The following STAM2 variants were observed in gnomAD, a reference collection of about 807,000 sequenced individuals.
STAM2 encodes the protein signal transducing adapter molecule 2.
In STAM2, 51 loss-of-function variants were observed where a neutral mutation model predicts 65.6. The ratio of observed to expected loss-of-function variants is 0.78; its 90% CI spans 0.62 to 0.98. STAM2 has a LOEUF of 0.98. Ranked by LOEUF, STAM2 falls within the 50% of genes least tolerant of loss-of-function variation. The pLI is 0.00. For synonymous variants in STAM2, 198 were observed against 208.4 expected (o/e 0.95, Z 0.43); for missense variants, 584 against 617.8 (o/e 0.95, Z 0.58).
chr2:152,146,944 C>T (rs1471192968), intron 5 of STAM2, among the ~76,000 whole-genome samples: 2 of 152,140 alleles, frequency 1.3e-5, no homozygotes, highest in East Asian at 1.9e-4. Flanking sequence ...ACATTAAATA[C>T]ACTATGTCTG....
chr2:152,144,149 A>G, intron 6 of STAM2, 136 bp from the exon 7 acceptor site: 5 of 383,986 alleles, frequency 1.3e-5, no homozygotes, highest in Admixed American at 3.8e-5. Context: ...AACTTTCGGG[A>G]GGGTGGGGCA....
intron 3 of STAM2, 43 bp downstream of exon 3, chr2:152,148,182 A>T: frequency 6.3e-7 from 1 of 1,593,780 alleles, no homozygotes; most frequent in Non-Finnish European, 8.6e-7. Flanking sequence ...AATTAAAAAC[A>T]CATTTAAAAT....
chr2:152,149,407 A>G (rs1308711561), intron 2 of STAM2, among the ~76,000 whole-genome samples: 2 of 152,124 alleles, frequency 1.3e-5, no homozygotes, highest in African/African-American at 4.8e-5. Context: ...CTTTAACTAC[A>G]TGAAAGTTAA....
chr2:152,175,553 G>A (rs762882115), intron 1 of STAM2, 50 bp downstream of exon 1: 3 of 1,610,022 alleles, frequency 1.9e-6, no homozygotes, highest in South Asian at 1.1e-5. Flanking sequence ...CGGACAAACA[G>A]CAGTCCAGGG....
In STAM2 at chr2:152,144,882, A is replaced by G; in HGVS notation, c.517+6T>C. The G allele has an allele frequency of 6.2e-7, 1 of 1,612,800 alleles. No homozygotes were observed. Among genetic ancestry groups the G allele is most frequent in the Non-Finnish European group, 8.5e-7 (1 of 1,178,860 alleles). ...AACACTAAATTACATGTGCTTGATC[A>G]TTTACCTTTAGCTATGTCTTCATCC... On this transcript the variant is annotated splice_donor_region_variant and intron_variant, in intron 6 of 13. Coordinates refer to ENST00000263904, the MANE Select transcript of STAM2 (RefSeq NM_005843.6).
intron 11 of STAM2, among the ~76,000 whole-genome samples, chr2:152,131,063 C>G (rs989160820): frequency 2.7e-5 from 4 of 149,530 alleles, no homozygotes; most frequent in Admixed American, 6.6e-5. Context: ...GCAATAGAAA[C>G]AAATACAAGG....
intron 5 of STAM2, among the ~76,000 whole-genome samples, chr2:152,145,488 CA>C (rs1205526831): frequency 6.6e-6 from 1 of 152,166 alleles, no homozygotes; most frequent in Non-Finnish European, 1.5e-5. Flanking sequence ...TTAGATTTTG[CA>C]TAAATGTAAC....
intron 11 of STAM2, among the ~76,000 whole-genome samples, chr2:152,130,439 G>A (rs1402354525): frequency 6.6e-6 from 1 of 151,916 alleles, no homozygotes; most frequent in Non-Finnish European, 1.5e-5. Flanking sequence ...TTTTAGTAGA[G>A]ACGGGGTTTC....
At chr2:152,125,608 C>T (rs1688950210) in intron 12 of STAM2, among the ~76,000 whole-genome samples, 1 of 152,092 alleles carries the variant, frequency 6.6e-6, no homozygotes, top group Admixed American at 6.6e-5. Context: ...AAAAAGATGG[C>T]TTATGGATGT....
chr2:152,120,290 T>A lies in STAM2; in HGVS notation c.*284A>T. 1 of 402,698 alleles carries A rather than the reference T, an allele frequency of 2.5e-6. No individual in the cohort carries two copies. Among genetic ancestry groups the A allele is most frequent in the Non-Finnish European group, 4.5e-6 (1 of 221,478 alleles). 24.9% of individuals were successfully genotyped at this position (402,698 alleles called of 1,614,324 possible). ...TACTGTTTGTCATAAGGCTACTTAA[T>A]GAGTATCTAGATTTATGTAGAGAAA... On this transcript the variant is annotated 3_prime_UTR_variant, in exon 14 of 14. Transcript: ENST00000263904.
intron 1 of STAM2, among the ~76,000 whole-genome samples, chr2:152,167,406 A>G (rs1402105932): frequency 1.3e-5 from 2 of 152,212 alleles, no homozygotes; most frequent in Non-Finnish European, 1.5e-5. Flanking sequence ...CTACACCAAA[A>G]AAGATAGCAG....
At chr2:152,121,544 A>T (rs183724585) in intron 13 of STAM2, among the ~76,000 whole-genome samples, 19 of 152,268 alleles carry the variant, frequency 1.2e-4, no homozygotes, top group African/African-American at 4.1e-4. Context: ...TCTTCTCTGT[A>T]AACATCCTTC....
chr2:152,158,221 A>C (rs2105558386), intron 1 of STAM2, among the ~76,000 whole-genome samples: 1 of 152,248 alleles, frequency 6.6e-6, no homozygotes, highest in East Asian at 1.9e-4. Flanking sequence ...TTATACCTGT[A>C]ATCCCAGCAC....
intron 8 of STAM2, 40 bp downstream of exon 8, chr2:152,135,469 A>G (rs757103083): frequency 7.0e-7 from 1 of 1,420,938 alleles, no homozygotes; most frequent in Non-Finnish European, 9.8e-7. Flanking sequence ...TAAGTGAAAA[A>G]AACTTAAATA....
At chr2:152,159,094 C>CATATATATATATATATATATATATATAT (rs10524193) in intron 1 of STAM2, among the ~76,000 whole-genome samples, 2,119 of 101,304 alleles carry the variant, frequency 0.021, 95 homozygotes, top group Non-Finnish European at 0.024. Context: ...AAAAAAAAAC[C>CATATATATATATATATATATATATATAT]ATATATATAT....
At chr2:152,134,654 C>A (rs1051288671) in intron 8 of STAM2, among the ~76,000 whole-genome samples, 1 of 152,170 alleles carries the variant, frequency 6.6e-6, no homozygotes, top group Non-Finnish European at 1.5e-5. Flanking sequence ...CTGGCTCAAT[C>A]ACTTACTAGA....
intron 1 of STAM2, among the ~76,000 whole-genome samples, chr2:152,156,030 T>C (rs1053739387): frequency 4.6e-5 from 7 of 152,212 alleles, no homozygotes; most frequent in African/African-American, 1.7e-4. Context: ...AATCTGATTT[T>C]AGACCATCTA....
chr2:152,173,786 C>T (rs1284486005), intron 1 of STAM2, among the ~76,000 whole-genome samples: 1 of 152,062 alleles, frequency 6.6e-6, no homozygotes, highest in Non-Finnish European at 1.5e-5. Flanking sequence ...CGTGCAAGTC[C>T]AATTTGAGCT....
At chr2:152,121,854 C>CT (rs1295841341) in intron 13 of STAM2, among the ~76,000 whole-genome samples, 2 of 151,926 alleles carry the variant, frequency 1.3e-5, no homozygotes, top group African/African-American at 4.8e-5. Context: ...ACCATCCTGG[C>CT]TAACACAGTG....
Sources: gnomAD v4.1 joint callset for allele counts (sites outside exome capture counted in the v4.1 genomes callset) on GRCh38, gnomAD v4.1.1 for gene constraint, MANE v1.5 for transcripts, NCBI Gene and HGNC (gene_info 2026-07-23, HGNC 2026-07-21) for gene names.